The following PLA2G12B variants were observed in gnomAD, a reference collection of about 807,000 sequenced individuals.
The protein encoded by PLA2G12B is phospholipase A2 group XIIB.
PLA2G12B carries 19 observed loss-of-function variants against 22.3 expected under a neutral mutation model. The observed-to-expected ratio is 0.85, with a 90% confidence interval of 0.60 to 1.25. The LOEUF is 1.25. PLA2G12B is among the 50% of genes most tolerant of loss of function. PLA2G12B has a pLI of 0.00. For missense variants in PLA2G12B, 191 were observed against 246.6 expected (o/e 0.77, Z 1.51); for synonymous variants, 81 against 94.9 (o/e 0.85, Z 0.85).
At chr10:72,949,049 T>C (rs1273586631) in intron 1 of PLA2G12B, among the ~76,000 whole-genome samples, 1 of 152,162 alleles carries the variant, frequency 6.6e-6, no homozygotes, top group East Asian at 1.9e-4. Context: ...GTCCATCCTC[T>C]CCACCCAGCT....
In PLA2G12B at chr10:72,934,806, C is replaced by T. The variant is rs1183996791; in HGVS notation, c.*811G>A. On this transcript the variant is annotated 3_prime_UTR_variant, in exon 4 of 4. Transcript: ENST00000373032. ...CTAATCCATAGTTAGGCTTGAGACC[C>T]GCAAGTTAGGGAATGGCCACTTGTC... Among the ~76,000 whole-genome samples, 1 of 152,142 alleles carries T rather than the reference C, an allele frequency of 6.6e-6. No homozygotes were observed. The highest frequency in any genetic ancestry group is 1.9e-4 in the East Asian group (1 of 5,198).
intron 1 of PLA2G12B, among the ~76,000 whole-genome samples, chr10:72,948,466 A>G (rs1564604360): frequency 6.6e-6 from 1 of 152,256 alleles, no homozygotes; most frequent in African/African-American, 2.4e-5. Context: ...CTAGGCAGAA[A>G]CAGAAATCAT....
chr10:72,941,096 G>GT, intron 3 of PLA2G12B, 73 bp downstream of exon 3: 1 of 1,459,478 alleles, frequency 6.9e-7, no homozygotes, highest in East Asian at 2.3e-5. Flanking sequence ...GAGTCAAGGG[G>GT]TTCTGGCTAT....
At chr10:72,954,256 A>G (rs1846580183) in intron 1 of PLA2G12B, among the ~76,000 whole-genome samples, 2 of 152,230 alleles carry the variant, frequency 1.3e-5, no homozygotes, top group South Asian at 4.1e-4. Context: ...TGTCAGGATA[A>G]GTATGTCCCA....
chr10:72,939,281 C>T (rs1355034255), intron 3 of PLA2G12B, among the ~76,000 whole-genome samples: 1 of 152,120 alleles, frequency 6.6e-6, no homozygotes, highest in Non-Finnish European at 1.5e-5. Context: ...ATGATTAGGG[C>T]GTTTCACACA....
chr10:72,942,950 C>A (rs1250636627), intron 1 of PLA2G12B, among the ~76,000 whole-genome samples: 1 of 150,774 alleles, frequency 6.6e-6, no homozygotes, highest in Admixed American at 6.6e-5. Context: ...CCCCTAATCT[C>A]AAAAAATTTC....
chr10:72,939,537 G>T (rs527865085), intron 3 of PLA2G12B, among the ~76,000 whole-genome samples: 1 of 152,172 alleles, frequency 6.6e-6, no homozygotes, highest in Non-Finnish European at 1.5e-5. Context: ...ATCTACAAAG[G>T]GACGTTTCTG....
At chr10:72,951,795 C>G (rs1291912659) in intron 1 of PLA2G12B, among the ~76,000 whole-genome samples, 1 of 152,106 alleles carries the variant, frequency 6.6e-6, no homozygotes, top group Admixed American at 6.6e-5. Context: ...GCTAGGTATG[C>G]CATTGACACA....
In PLA2G12B at chr10:72,954,638, A is replaced by C. The variant is rs767053315; in HGVS notation, c.48T>G (p.Gly16=). 1.9e-6 allele frequency: 3 copies of C among 1,613,684 alleles called. No individual in the cohort carries two copies. In the South Asian group the frequency reaches 3.3e-5, roughly 18 times the overall value. ...GFLVLWLSLG[G]GLAQSDTSPD... ...GGCTCGTGTCGCTCTGAGCCAGGCC[A>C]CCCCCAAGGCTGAGCCACAAAACCA... Residue 16 remains glycine, a synonymous_variant, in exon 1 of 4, where the codon GGT becomes GGG. Coordinates refer to ENST00000373032, the MANE Select transcript of PLA2G12B (RefSeq NM_032562.5).
chr10:72,947,610 T>G (rs941264512), intron 1 of PLA2G12B, among the ~76,000 whole-genome samples: 1 of 152,186 alleles, frequency 6.6e-6, no homozygotes, highest in Non-Finnish European at 1.5e-5. Context: ...ATTAAATACA[T>G]TCACAATGTT....
At chr10:72,937,258 C>T (rs530389321) in intron 3 of PLA2G12B, among the ~76,000 whole-genome samples, 106 of 152,238 alleles carry the variant, frequency 7.0e-4, no homozygotes, top group Middle Eastern at 3.4e-3. Flanking sequence ...TGAATACCTA[C>T]ATGCCAAAAA....
intron 1 of PLA2G12B, among the ~76,000 whole-genome samples, chr10:72,952,076 G>A (rs1846540434): frequency 6.6e-6 from 1 of 152,142 alleles, no homozygotes; most frequent in African/African-American, 2.4e-5. Context: ...CTGATGTCTG[G>A]GGCCAACCCA....
At chr10:72,936,620 G>A (rs1846283432) in intron 3 of PLA2G12B, among the ~76,000 whole-genome samples, 1 of 152,144 alleles carries the variant, frequency 6.6e-6, no homozygotes, top group South Asian at 2.1e-4. Flanking sequence ...AATGAGTAGT[G>A]ACTGCTAATG....
chr10:72,937,202 T>A (rs1388917904), intron 3 of PLA2G12B, among the ~76,000 whole-genome samples: 2 of 151,996 alleles, frequency 1.3e-5, no homozygotes, highest in Non-Finnish European at 2.9e-5. Flanking sequence ...AGAGCGAGAC[T>A]CCATCTCAAA....
chr10:72,943,737 T>A (rs1222714705), intron 1 of PLA2G12B, among the ~76,000 whole-genome samples: 1 of 152,198 alleles, frequency 6.6e-6, no homozygotes, highest in Non-Finnish European at 1.5e-5. Context: ...TATCCCATTA[T>A]CCAGATAAGA....
At chr10:72,939,801 G>A (rs1846332010) in intron 3 of PLA2G12B, among the ~76,000 whole-genome samples, 1 of 152,204 alleles carries the variant, frequency 6.6e-6, no homozygotes, top group African/African-American at 2.4e-5. Context: ...GAATCAGAAA[G>A]GGCCATGTAT....
intron 1 of PLA2G12B, among the ~76,000 whole-genome samples, chr10:72,952,565 C>T (rs1166586028): frequency 1.3e-5 from 2 of 152,174 alleles, no homozygotes; most frequent in Non-Finnish European, 2.9e-5. Context: ...ACAAAGCAAA[C>T]TACAAAAGAG....
At chr10:72,942,876 C>A in intron 1 of PLA2G12B, 136 bp from the exon 2 acceptor site, 1 of 691,472 alleles carries the variant, frequency 1.4e-6, no homozygotes, top group Non-Finnish European at 2.4e-6. Context: ...ACATCCAAAT[C>A]AGGTGATGAT....
chr10:72,936,150 G>C (rs1040346897), intron 3 of PLA2G12B, among the ~76,000 whole-genome samples: 1 of 152,070 alleles, frequency 6.6e-6, no homozygotes, highest in African/African-American at 2.4e-5. Context: ...ACCATTCATT[G>C]ATGGAAAAAC....
Sources: gnomAD v4.1 joint callset for allele counts (sites outside exome capture counted in the v4.1 genomes callset) on GRCh38, gnomAD v4.1.1 for gene constraint, MANE v1.5 for transcripts, NCBI Gene and HGNC (gene_info 2026-07-23, HGNC 2026-07-21) for gene names.